Variants in RAB8B observed in about 807,000 individuals in gnomAD.
The protein encoded by RAB8B is RAB8B, member RAS oncogene family.
In RAB8B, 11 loss-of-function variants were observed where a neutral mutation model predicts 32.0. The ratio of observed to expected loss-of-function variants is 0.34; its 90% CI spans 0.22 to 0.57. RAB8B has a LOEUF of 0.57. Among genes scored for constraint, RAB8B ranks in the 20% least tolerant of loss-of-function variants. RAB8B has a pLI of 0.86. For missense variants in RAB8B, 190 were observed against 258.5 expected (o/e 0.73, Z 1.82); for synonymous variants, 103 against 89.6 (o/e 1.15, Z -0.85).
chr15:63,221,265 G>C (rs539794722), intron 1 of RAB8B, among the ~76,000 whole-genome samples: 12 of 152,224 alleles, frequency 7.9e-5, no homozygotes, highest in African/African-American at 2.9e-4. Flanking sequence ...ATTTTAAGAT[G>C]GGTAATTGTA....
intron 7 of RAB8B, among the ~76,000 whole-genome samples, 169 bp from the exon 8 acceptor site, chr15:63,263,358 C>CT (rs1442242555): frequency 1.3e-5 from 2 of 152,082 alleles, no homozygotes; most frequent in African/African-American, 2.4e-5. Context: ...AAGAAAAAGA[C>CT]AACATTGGTG....
intron 1 of RAB8B, among the ~76,000 whole-genome samples, chr15:63,225,735 C>G (rs2037883253): frequency 6.6e-6 from 1 of 152,210 alleles, no homozygotes; most frequent in South Asian, 2.1e-4. Context: ...TTGTATTCCT[C>G]AGTGCCTAGC....
At chr15:63,202,624 T>C (rs974133539) in intron 1 of RAB8B, among the ~76,000 whole-genome samples, 4 of 152,270 alleles carry the variant, frequency 2.6e-5, no homozygotes, top group African/African-American at 9.6e-5. Flanking sequence ...TTTGTTATGC[T>C]TGTATGCTGT....
intron 1 of RAB8B, among the ~76,000 whole-genome samples, chr15:63,212,979 G>GT (rs1163791285): frequency 1.3e-5 from 2 of 152,218 alleles, no homozygotes; most frequent in Non-Finnish European, 2.9e-5. Context: ...GTTTGTCTTA[G>GT]TTTTTTATAA....
chr15:63,244,700 G>A (rs1595747163), intron 1 of RAB8B, 56 bp from the exon 2 acceptor site: 1 of 1,371,126 alleles, frequency 7.3e-7, no homozygotes, highest in African/African-American at 1.5e-5. Context: ...TCCTCCTAAT[G>A]AGACTTGGAT....
At chr15:63,228,939 A>G (rs894284093) in intron 1 of RAB8B, among the ~76,000 whole-genome samples, 1 of 152,252 alleles carries the variant, frequency 6.6e-6, no homozygotes, top group Non-Finnish European at 1.5e-5. Flanking sequence ...ATCATCTCAC[A>G]TTAATATACT....
chr15:63,261,448 A>G (rs2038202759), intron 6 of RAB8B, among the ~76,000 whole-genome samples: 1 of 152,218 alleles, frequency 6.6e-6, no homozygotes, highest in East Asian at 1.9e-4. Context: ...GTATCCACCT[A>G]AGTGTCCATC....
intron 1 of RAB8B, among the ~76,000 whole-genome samples, chr15:63,229,335 G>C (rs1310179059): frequency 1.3e-5 from 2 of 152,236 alleles, no homozygotes; most frequent in African/African-American, 4.8e-5. Flanking sequence ...GTTCAGGCTA[G>C]AGATTTCCAA....
chr15:63,255,084 C>T (rs2038148624), intron 3 of RAB8B, among the ~76,000 whole-genome samples: 1 of 152,168 alleles, frequency 6.6e-6, no homozygotes, highest in South Asian at 2.1e-4. Context: ...AGTGTGGTCT[C>T]AATCTTAGTA....
chr15:63,228,043 AC>A (rs1300049175), intron 1 of RAB8B, among the ~76,000 whole-genome samples: 1 of 148,084 alleles, frequency 6.8e-6, no homozygotes. Flanking sequence ...TCACTTTGTC[AC>A]CCACGCTGGA....
At chr15:63,243,742 A>G (rs912700357) in intron 1 of RAB8B, among the ~76,000 whole-genome samples, 1 of 151,996 alleles carries the variant, frequency 6.6e-6, no homozygotes, top group Non-Finnish European at 1.5e-5. Flanking sequence ...AACATTTCTC[A>G]GTCATCTTAG....
At chr15:63,190,907 A>G (rs1255432677) in intron 1 of RAB8B, among the ~76,000 whole-genome samples, 1 of 152,210 alleles carries the variant, frequency 6.6e-6, no homozygotes, top group Non-Finnish European at 1.5e-5. Context: ...GTTACTTCCA[A>G]TTGAATCAAG....
At chr15:63,194,893 C>T (rs1236444330) in intron 1 of RAB8B, among the ~76,000 whole-genome samples, 1 of 152,234 alleles carries the variant, frequency 6.6e-6, no homozygotes, top group South Asian at 2.1e-4. Context: ...TATTTACTAA[C>T]TGGTTCTTTG....
intron 1 of RAB8B, among the ~76,000 whole-genome samples, chr15:63,211,202 T>TA (rs2037744182): frequency 6.6e-6 from 1 of 152,250 alleles, no homozygotes; most frequent in South Asian, 2.1e-4. Context: ...TCTTTTGGCC[T>TA]AACTTTTCTT....
chr15:63,213,750 TA>T (rs2037766809), intron 1 of RAB8B, among the ~76,000 whole-genome samples: 2 of 152,192 alleles, frequency 1.3e-5, no homozygotes, highest in South Asian at 4.1e-4. Context: ...ATTTTCCATT[TA>T]TTTCCATCGC....
At chr15:63,207,551 T>C (rs2037708986) in intron 1 of RAB8B, among the ~76,000 whole-genome samples, 1 of 152,070 alleles carries the variant, frequency 6.6e-6, no homozygotes, top group Admixed American at 6.6e-5. Context: ...TCCTTTTCCT[T>C]AGTTTTTTGT....
chr15:63,264,367 T>C lies in RAB8B; in HGVS notation c.*748T>C, dbSNP rs1185143382. The stretch of plus-strand genomic sequence containing the variant: ...GGTTTGTATTTGCTATTCTTTCCCA[T>C]GTTTGACTTAAGTGTAATCACTCTT... On this transcript the variant is annotated 3_prime_UTR_variant, in exon 8 of 8. Coordinates refer to ENST00000321437, the MANE Select transcript of RAB8B (RefSeq NM_016530.3). 6.6e-6 allele frequency: 1 copy of C among 152,244 alleles called. No individual in the cohort carries two copies. Among genetic ancestry groups the C allele is most frequent in the African/African-American group, 2.4e-5 (1 of 41,468 alleles). 9.4% of individuals were successfully genotyped at this position (152,244 alleles called of 1,614,324 possible).
chr15:63,258,493 T>C (rs1454721048), intron 5 of RAB8B, among the ~76,000 whole-genome samples: 4 of 152,176 alleles, frequency 2.6e-5, no homozygotes, highest in Non-Finnish European at 5.9e-5. Context: ...GTTTTACCAG[T>C]GGAGGGTCTT....
At position 63,189,693 on chromosome 15, in the gene RAB8B, C is replaced by T. The variant is rs1175191715; in HGVS notation, c.69C>T (p.Cys23=). ...LIGDSGVGKT[C]LLFRFSEDAF... The stretch of plus-strand genomic sequence containing the variant: ...GCGACTCGGGGGTAGGCAAGACCTG[C>T]CTCCTGTTCCGCTTCTCAGAGGACG... The change falls in exon 1 of 8, where the codon TGC becomes TGT. Residue 23 remains cysteine, a synonymous_variant. Coordinates refer to ENST00000321437, the MANE Select transcript of RAB8B (RefSeq NM_016530.3). 6.2e-7 allele frequency: 1 copy of T among 1,613,922 alleles called. No individual in the cohort carries two copies.
Sources: allele counts gnomAD v4.1 joint callset (sites outside exome capture counted in the v4.1 genomes callset), GRCh38; gene constraint gnomAD v4.1.1; transcripts MANE v1.5; gene names NCBI Gene and HGNC (gene_info 2026-07-23, HGNC 2026-07-21).